Variants in CNTNAP5 observed in about 807,000 individuals in gnomAD.
CNTNAP5 encodes the protein contactin-associated protein-like 5.
A neutral mutation model predicts 150.2 loss-of-function variants in CNTNAP5; 72 were observed. The observed-to-expected ratio is 0.48, with a 90% confidence interval of 0.40 to 0.58. The LOEUF (loss-of-function observed/expected upper bound fraction) is 0.58. Among genes scored for constraint, CNTNAP5 ranks in the 20% least tolerant of loss-of-function variants. The pLI is 0.00. For synonymous variants in CNTNAP5, 672 were observed against 619.8 expected, an observed-to-expected ratio of 1.08 and a Z score of -1.25; for missense variants, 1,636 against 1,626.2, an observed-to-expected ratio of 1.01 and a Z score of -0.10.
intron 1 of CNTNAP5, among the ~76,000 whole-genome samples, chr2:124,139,754 T>C (rs547908785): frequency 4.6e-5 from 7 of 152,078 alleles, no homozygotes; most frequent in Non-Finnish European, 1.0e-4. Flanking sequence ...ATAGGGAAGA[T>C]TTGATATTTT....
chr2:124,911,367 G>T (rs569418552), intron 22 of CNTNAP5, 100 bp from the exon 23 acceptor site: 5 of 790,832 alleles, frequency 6.3e-6, no homozygotes, highest in Non-Finnish European at 1.1e-5. Context: ...AGGGCACCTG[G>T]TGTAATGCAC....
intron 17 of CNTNAP5, among the ~76,000 whole-genome samples, chr2:124,780,322 C>T (rs1438546439): frequency 6.6e-6 from 1 of 152,110 alleles, no homozygotes. Flanking sequence ...CTTTTGGAAA[C>T]TGAGGGGTTT....
chr2:124,447,687 A>G (rs1450010467), intron 6 of CNTNAP5, among the ~76,000 whole-genome samples: 2 of 152,294 alleles, frequency 1.3e-5, no homozygotes, highest in East Asian at 3.9e-4. Flanking sequence ...GAAATTTTAT[A>G]TTTATATAAT....
In CNTNAP5 at chr2:124,917,710, A is replaced by G. The variant is rs1250202226; in HGVS notation, c.*3422A>G. Among the ~76,000 whole-genome samples the G allele has an allele frequency of 6.6e-6, 1 of 152,056 alleles. No individual in the cohort carries two copies. Among genetic ancestry groups the G allele is most frequent in the Non-Finnish European group, 1.5e-5 (1 of 67,994 alleles). Reference sequence around the variant, plus strand: ...TTCTTTTTTCATTCATGAAGTATTTATGGAATGCCAATGAGTGCCGGGCTA... The same window carrying G: ...TTCTTTTTTCATTCATGAAGTATTTGTGGAATGCCAATGAGTGCCGGGCTA... On this transcript the variant is annotated 3_prime_UTR_variant, in exon 24 of 24. Coordinates refer to ENST00000682447, the MANE Select transcript of CNTNAP5 (RefSeq NM_001367498.1).
At chr2:124,350,871 T>C (rs986621552) in intron 3 of CNTNAP5, among the ~76,000 whole-genome samples, 4 of 152,198 alleles carry the variant, frequency 2.6e-5, no homozygotes, top group African/African-American at 9.6e-5. Context: ...AAAGCCTTTT[T>C]TTTCGGCATG....
rs1689557164 is a variant in CNTNAP5 at position 124,339,514 on chromosome 2, G to GT, written c.382-77926dup. Among the ~76,000 whole-genome samples the GT allele has an allele frequency of 2.6e-5, 4 of 152,278 alleles. No homozygotes were observed. The South Asian group carries it at 8.3e-4, about 32-fold the overall frequency. On this transcript the variant is annotated intron_variant, in intron 3 of 23. Transcript: ENST00000682447. ...GGGCCTTGTAAGGGCAAAGGGAATTGTTTCCTTCCCCTCTGAAGTTTTGAG... is the reference window on the plus strand; with the variant it reads ...GGGCCTTGTAAGGGCAAAGGGAATTGTTTTCCTTCCCCTCTGAAGTTTTGAG...
At chr2:124,156,389 C>A (rs72845536) in intron 1 of CNTNAP5, among the ~76,000 whole-genome samples, 1,981 of 152,296 alleles carry the variant, frequency 0.013, 24 homozygotes, top group Non-Finnish European at 0.016. Flanking sequence ...GATGAATGAT[C>A]ATCATGATGT....
At chr2:124,394,735 G>T (rs1230350334) in intron 3 of CNTNAP5, among the ~76,000 whole-genome samples, 3 of 152,140 alleles carry the variant, frequency 2.0e-5, no homozygotes, top group Admixed American at 1.3e-4. Context: ...AGGTAGAGTA[G>T]CTTGCCCAAG....
intron 1 of CNTNAP5, among the ~76,000 whole-genome samples, chr2:124,040,293 G>A (rs77317011): frequency 4.8e-4 from 73 of 152,214 alleles, no homozygotes; most frequent in African/African-American, 1.6e-3. Context: ...TCAGGAGATC[G>A]TGATATTTGA....
chr2:124,523,375 A>G (rs1694893146), intron 8 of CNTNAP5, among the ~76,000 whole-genome samples: 1 of 152,230 alleles, frequency 6.6e-6, no homozygotes, highest in Admixed American at 6.5e-5. Flanking sequence ...CTCTTGCCAC[A>G]GAAAGTCTTT....
chr2:124,121,750 C>T (rs748099988), intron 1 of CNTNAP5, among the ~76,000 whole-genome samples: 5 of 152,188 alleles, frequency 3.3e-5, no homozygotes, highest in Non-Finnish European at 7.3e-5. Flanking sequence ...TTACAACCCT[C>T]ATCAAGACCT....
intron 17 of CNTNAP5, among the ~76,000 whole-genome samples, chr2:124,777,840 C>A (rs1285354011): frequency 2.1e-5 from 3 of 144,990 alleles, no homozygotes; most frequent in African/African-American, 7.7e-5. Context: ...TTCATACTGT[C>A]TTTTTTAAAG....
intron 13 of CNTNAP5, among the ~76,000 whole-genome samples, chr2:124,732,471 A>T (rs1680292583): frequency 6.6e-6 from 1 of 152,120 alleles, no homozygotes; most frequent in Admixed American, 6.6e-5. Flanking sequence ...TAATGCCCTT[A>T]GAAAACAGGC....
At chr2:124,208,511 C>A (rs1211653232) in intron 1 of CNTNAP5, among the ~76,000 whole-genome samples, 2 of 152,180 alleles carry the variant, frequency 1.3e-5, no homozygotes, top group Admixed American at 6.5e-5. Flanking sequence ...GAGGCCTGGG[C>A]TTGAGATTTA....
rs1360465644 is a variant in CNTNAP5 at position 124,860,434 on chromosome 2, TC to T, written c.3218-4870del. On this transcript the variant is annotated intron_variant, in intron 19 of 23. Transcript: ENST00000682447. ...TCTCTCCCTTCCTTCCTTCCTTCCT[TC>T]CTTCCTTCCTTCCTTCTTTCCTTCC... Among the ~76,000 whole-genome samples the T allele has an allele frequency of 1.8e-3, 233 of 132,550 alleles. 5 individuals carry two copies. Among genetic ancestry groups the T allele is most frequent in the African/African-American group, 6.6e-3 (181 of 27,534 alleles). 87.0% of individuals were successfully genotyped at this position (132,550 alleles called of 152,430 possible).
intron 21 of CNTNAP5, among the ~76,000 whole-genome samples, chr2:124,890,109 C>T (rs1678161144): frequency 6.6e-6 from 1 of 151,862 alleles, no homozygotes. Flanking sequence ...TGAGAAAATC[C>T]ATGTTCAGTA....
intron 6 of CNTNAP5, among the ~76,000 whole-genome samples, chr2:124,470,491 C>T (rs1573395488): frequency 6.6e-6 from 1 of 152,202 alleles, no homozygotes; most frequent in South Asian, 2.1e-4. Flanking sequence ...GAATAGGTTG[C>T]AAAATTATTC....
At chr2:124,839,798 T>C (rs537379159) in intron 19 of CNTNAP5, among the ~76,000 whole-genome samples, 1 of 152,134 alleles carries the variant, frequency 6.6e-6, no homozygotes, top group Non-Finnish European at 1.5e-5. Flanking sequence ...TCAACCCTTT[T>C]GTCTGAACTA....
chr2:124,563,994 A>G (rs1695951834), intron 11 of CNTNAP5, among the ~76,000 whole-genome samples: 1 of 152,238 alleles, frequency 6.6e-6, no homozygotes, highest in African/African-American at 2.4e-5. Context: ...ATGGGAGAAA[A>G]CAGAACCTGA....
Sources: gnomAD v4.1 joint callset for allele counts (sites outside exome capture counted in the v4.1 genomes callset) on GRCh38, gnomAD v4.1.1 for gene constraint, MANE v1.5 for transcripts, NCBI Gene and HGNC (gene_info 2026-07-23, HGNC 2026-07-21) for gene names.